Variants in MYT1L observed in about 807,000 individuals in gnomAD.
MYT1L encodes myelin transcription factor 1-like protein.
In MYT1L, 12 loss-of-function variants were observed where a neutral mutation model predicts 126.7. The ratio of observed to expected loss-of-function variants is 0.09; its 90% CI spans 0.06 to 0.15. The LOEUF (loss-of-function observed/expected upper bound fraction) is 0.15, where lower values mean the gene tolerates loss of function less well. Ranked by LOEUF, MYT1L falls within the 10% of genes least tolerant of loss-of-function variation. MYT1L has a pLI of 1.00. For missense variants in MYT1L, 979 were observed against 1,585.2 expected (o/e 0.62, Z 6.49); for synonymous variants, 541 against 604.2 (o/e 0.90, Z 1.53).
chr2:2,290,694 T>C (rs2095585875), intron 1 of MYT1L, among the ~76,000 whole-genome samples: 1 of 152,194 alleles, frequency 6.6e-6, no homozygotes, highest in African/African-American at 2.4e-5. Flanking sequence ...ATGTGGTTCC[T>C]GGACCTGGTT....
Position 1,887,373 on chromosome 2 carries a change from T to C in MYT1L, c.2642+115A>G, listed in dbSNP as rs981607528. On this transcript the variant is annotated intron_variant, in intron 17 of 24. Transcript: ENST00000647738. This position sits in a 1 kb window ranked among gnomAD's most constrained non-coding sequence, Gnocchi z 4.8. ...GACCCAGCAGTCGGAAACATTTATA[T>C]GCTGCGAATGTCGCATGCTCAAACG... 4 of 1,370,138 alleles carry C rather than the reference T, an allele frequency of 2.9e-6. No individual in the cohort carries two copies. The highest frequency in any genetic ancestry group is 4.1e-6 in the Non-Finnish European group (4 of 978,130). The allele number at this position is 1,370,138 out of a possible 1,614,324, so 84.9% of individuals were successfully genotyped here.
At chr2:2,082,424 C>T (rs541886908) in intron 3 of MYT1L, among the ~76,000 whole-genome samples, 11 of 152,276 alleles carry the variant, frequency 7.2e-5, no homozygotes, top group South Asian at 4.1e-4. Flanking sequence ...AAGTTTTACA[C>T]GAGCAAGTGA....
intron 1 of MYT1L, among the ~76,000 whole-genome samples, chr2:2,299,118 C>T (rs568053380): frequency 7.2e-5 from 11 of 152,322 alleles, no homozygotes; most frequent in Admixed American, 1.3e-4. Context: ...TCCCAAAGTG[C>T]TGGGATTACA....
At chr2:1,879,065 A>C (rs2047246043) in intron 18 of MYT1L, among the ~76,000 whole-genome samples, 6 of 152,186 alleles carry the variant, frequency 3.9e-5, no homozygotes, top group Admixed American at 3.9e-4. Context: ...AAGAGAGAGC[A>C]CAGCAATAGG....
intron 1 of MYT1L, among the ~76,000 whole-genome samples, chr2:2,309,474 T>C (rs1488347395): frequency 1.3e-5 from 2 of 151,934 alleles, no homozygotes; most frequent in African/African-American, 4.8e-5. Context: ...TACACTTTAC[T>C]GTTCTCTACC....
intron 3 of MYT1L, among the ~76,000 whole-genome samples, chr2:2,168,836 C>G (rs983528156): frequency 2.0e-5 from 3 of 152,108 alleles, no homozygotes; most frequent in African/African-American, 7.2e-5. Flanking sequence ...AGGCCAGACC[C>G]AACTCAAAAC....
intron 18 of MYT1L, among the ~76,000 whole-genome samples, chr2:1,871,213 C>T (rs1387014966): frequency 6.6e-6 from 1 of 152,224 alleles, no homozygotes; most frequent in Non-Finnish European, 1.5e-5. Flanking sequence ...TAAAGTAAAA[C>T]CTCTACTCTT....
At chr2:1,933,976 T>A (rs796967624) in intron 9 of MYT1L, among the ~76,000 whole-genome samples, 2,477 of 144,516 alleles carry the variant, frequency 0.017, 69 homozygotes, top group African/African-American at 0.06. Context: ...TTGATTTTTT[T>A]TTTTTTTTTT....
intron 8 of MYT1L, among the ~76,000 whole-genome samples, chr2:1,951,441 A>C (rs1381753348): frequency 8.5e-5 from 13 of 152,256 alleles, no homozygotes; most frequent in African/African-American, 3.1e-4. Flanking sequence ...TATCCACAGG[A>C]AACAGAGAAC....
At chr2:2,129,152 A>G (rs1024741308) in intron 3 of MYT1L, among the ~76,000 whole-genome samples, 1 of 152,238 alleles carries the variant, frequency 6.6e-6, no homozygotes, top group Non-Finnish European at 1.5e-5. Flanking sequence ...CAAGACCTTA[A>G]TGAATGTGGT....
Position 2,262,932 on chromosome 2 carries a change from A to ATATATATATATATATATAT in MYT1L, c.-421+21471_-421+21472insATATATATATATATATATA, listed in dbSNP as rs1553610292. Among the ~76,000 whole-genome samples, 26 of 41,162 alleles carry ATATATATATATATATATAT rather than the reference A, an allele frequency of 6.3e-4. 3 individuals carry two copies. Among genetic ancestry groups the ATATATATATATATATATAT allele is most frequent in the African/African-American group, 2.3e-3 (22 of 9,404 alleles). 27.0% of individuals were successfully genotyped at this position (41,162 alleles called of 152,430 possible). On this transcript the variant is annotated intron_variant, in intron 2 of 24. Transcript: ENST00000647738. Reference sequence around the variant, plus strand: ...GAGGCACAAATATATATATATATATAACCTGTGATATATATATATATATCA... The same window carrying ATATATATATATATATATAT: ...GAGGCACAAATATATATATATATATATATATATATATATATATATACCTGTGATATATATATATATATCA...
At chr2:2,300,599 T>C (rs980461888) in intron 1 of MYT1L, among the ~76,000 whole-genome samples, 1 of 152,218 alleles carries the variant, frequency 6.6e-6, no homozygotes. Flanking sequence ...CCAATGATAA[T>C]AGTAACACTG....
chr2:2,212,876 G>A (rs2093569898), intron 2 of MYT1L, among the ~76,000 whole-genome samples: 3 of 152,136 alleles, frequency 2.0e-5, no homozygotes, highest in Admixed American at 6.5e-5. Flanking sequence ...GCAACGGAGT[G>A]CCCTGTGCCC....
At chr2:1,977,364 C>T (rs1201794387) in intron 8 of MYT1L, among the ~76,000 whole-genome samples, 2 of 152,300 alleles carry the variant, frequency 1.3e-5, no homozygotes, top group Admixed American at 6.5e-5. Context: ...ACATGGGACA[C>T]ATAAATTCAT....
At chr2:2,222,617 G>A (rs891052378) in intron 2 of MYT1L, among the ~76,000 whole-genome samples, 23 of 152,036 alleles carry the variant, frequency 1.5e-4, no homozygotes, top group Non-Finnish European at 2.9e-5. Context: ...GATGTTGCCT[G>A]GTTCCTTTTT....
chr2:1,861,212 G>A (rs1475808006), intron 18 of MYT1L, among the ~76,000 whole-genome samples: 1 of 152,170 alleles, frequency 6.6e-6, no homozygotes, highest in Non-Finnish European at 1.5e-5. Flanking sequence ...TGCTGAACTG[G>A]GGCATGGGGA....
intron 8 of MYT1L, among the ~76,000 whole-genome samples, chr2:1,973,701 C>T (rs954214293): frequency 1.3e-5 from 2 of 152,196 alleles, no homozygotes; most frequent in Admixed American, 6.5e-5. Context: ...CAATGTATCC[C>T]TGCCCTTCAG....
chr2:2,099,808 C>T (rs1273749748), intron 3 of MYT1L, among the ~76,000 whole-genome samples: 1 of 152,250 alleles, frequency 6.6e-6, no homozygotes, highest in East Asian at 1.9e-4. Context: ...ATTCCGTTAT[C>T]TTCACAGAAT....
chr2:1,926,119 C>G (rs1051141664), intron 9 of MYT1L, among the ~76,000 whole-genome samples: 1 of 152,132 alleles, frequency 6.6e-6, no homozygotes, highest in Non-Finnish European at 1.5e-5. Flanking sequence ...CCTCTCCCAG[C>G]GGCAGCAAAT....
Sources: allele counts gnomAD v4.1 joint callset (sites outside exome capture counted in the v4.1 genomes callset), GRCh38; gene constraint gnomAD v4.1.1; non-coding constraint Gnocchi (gnomAD v3.1); transcripts MANE v1.5; gene names NCBI Gene and HGNC (gene_info 2026-07-23, HGNC 2026-07-21).